RFTN1: variants seen among roughly 807,000 people sequenced by gnomAD.
RFTN1 encodes raftlin, lipid raft linker 1, also known as raftlin.
RFTN1 carries 26 observed loss-of-function variants against 46.5 expected under a neutral mutation model. The observed-to-expected ratio is 0.56, with a 90% CI of 0.41 to 0.78. RFTN1 has a LOEUF of 0.78. Ranked by LOEUF, RFTN1 falls within the 30% of genes least tolerant of loss-of-function variation. RFTN1 has a pLI of 0.00. For missense variants in RFTN1, 693 were observed against 718.7 expected, an observed-to-expected ratio of 0.96 and a Z score of 0.41; for synonymous variants, 261 against 284.2, an observed-to-expected ratio of 0.92 and a Z score of 0.82.
chr3:16,436,357 AATTT>A (rs67496714), intron 2 of RFTN1, among the ~76,000 whole-genome samples: 5,040 of 131,042 alleles, frequency 0.038, 123 homozygotes, highest in Middle Eastern at 0.079. Flanking sequence ...TGAAAAAAAA[AATTT>A]TTTTTTTTTT....
rs1161405902 is a variant in RFTN1 at position 16,356,756 on chromosome 3, C to T, written c.1146+1176G>A. Among the ~76,000 whole-genome samples, 2 of 152,212 alleles carry T rather than the reference C, an allele frequency of 1.3e-5. No homozygotes were observed. The highest frequency in any genetic ancestry group is 2.9e-5 in the Non-Finnish European group (2 of 68,038). On this transcript the variant is annotated intron_variant, in intron 7 of 9. Coordinates refer to ENST00000334133, the MANE Select transcript of RFTN1 (RefSeq NM_015150.2). The surrounding 1 kb of genome is among the most constrained non-coding windows in gnomAD (Gnocchi z 4.9). ...CTGTCTTCCCTCGGCCTGGAGAGCC[C>T]TCTTTGGCAGAGGCCCTCCCAGCAA...
At position 16,320,813 on chromosome 3, in the gene RFTN1, G is replaced by A. The variant is rs1303610398; in HGVS notation, c.1332+2563C>T. Among the ~76,000 whole-genome samples, 2 of 152,316 alleles carry A rather than the reference G, an allele frequency of 1.3e-5. No homozygotes were observed. Among genetic ancestry groups the A allele is most frequent in the South Asian group, 2.1e-4 (1 of 4,826 alleles). ...GGAGGTAAGAGGGACCAGATCCCTT[G>A]GGGCCTTGAGGGCCACAGTACTGAT... On this transcript the variant is annotated intron_variant, in intron 9 of 9. Transcript: ENST00000334133. The surrounding 1 kb of genome is among the most constrained non-coding windows in gnomAD (Gnocchi z 4.5).
rs1308433378 is a variant in RFTN1, at chr3:16,458,596, A to G, written c.146-24559T>C. ...GTAAATCGTAAATTGTCCTTTCAAC[A>G]TGCATAATGACAAGCATTTCGACCC... On this transcript the variant is annotated intron_variant, in intron 2 of 9. Transcript: ENST00000334133. This position sits in a 1 kb window ranked among gnomAD's most constrained non-coding sequence, Gnocchi z 5.1. Among the ~76,000 whole-genome samples, 4 of 152,180 alleles carry G rather than the reference A, an allele frequency of 2.6e-5. No individual in the cohort carries two copies. In the South Asian group the frequency reaches 6.2e-4, roughly 24 times the overall value.
Position 16,385,000 on chromosome 3 carries a change from C to G in RFTN1, c.442-6898G>C, listed in dbSNP as rs2074118040. Reference sequence around the variant, plus strand: ...CATATAATATGGGGTAAATCCAAGACTCACATCCACATACTTATATACCCT... The same window carrying G: ...CATATAATATGGGGTAAATCCAAGAGTCACATCCACATACTTATATACCCT... On this transcript the variant is annotated intron_variant, in intron 4 of 9. Transcript: ENST00000334133. This position sits in a 1 kb window ranked among gnomAD's most constrained non-coding sequence, Gnocchi z 4.7. 6.6e-6 allele frequency among the ~76,000 whole-genome samples: 1 copy of G among 152,128 alleles called. No individual in the cohort carries two copies. The highest frequency in any genetic ancestry group is 6.5e-5 in the Admixed American group (1 of 15,276).
intron 7 of RFTN1, among the ~76,000 whole-genome samples, chr3:16,347,390 T>C (rs1034346680): frequency 6.6e-6 from 1 of 152,232 alleles, no homozygotes; most frequent in African/African-American, 2.4e-5. Context: ...TCAAAATCAG[T>C]ATCACTGGGT....
Position 16,326,762 on chromosome 3 carries a change from G to A in RFTN1, c.1250+11C>T, listed in dbSNP as rs1279295807. ...GTTCAATAGAATCCTAATGATTACT[G>A]TTATTGTTACCTGGTAGTCTTGACG... On this transcript the variant is annotated intron_variant, in intron 8 of 9. Transcript: ENST00000334133. 3 of 1,601,264 alleles carry A rather than the reference G, an allele frequency of 1.9e-6. No individual in the cohort carries two copies. Among genetic ancestry groups the A allele is most frequent in the Non-Finnish European group, 2.6e-6 (3 of 1,168,354 alleles).
chr3:16,431,004 A>G (rs899647114), intron 3 of RFTN1, among the ~76,000 whole-genome samples: 1 of 152,174 alleles, frequency 6.6e-6, no homozygotes, highest in East Asian at 1.9e-4. Flanking sequence ...CTTATTTCTG[A>G]AGACGGGCTT....
rs1360755306 is a variant in RFTN1, at chr3:16,404,176, TTA to T, written c.441+5197_441+5198del. ...ATATATATTATATATAATATACATT[TTA>T]TATATAATATATAATATACATTTTA... On this transcript the variant is annotated intron_variant, in intron 4 of 9. Transcript: ENST00000334133. Among the ~76,000 whole-genome samples the T allele has an allele frequency of 1.4e-4, 7 of 50,386 alleles. 2 individuals are homozygous for T. The highest frequency in any genetic ancestry group is 1.9e-4 in the Non-Finnish European group (6 of 30,842). 33.1% of individuals were successfully genotyped at this position (50,386 alleles called of 152,430 possible).
At chr3:16,357,246 C>T (rs1004186618) in intron 7 of RFTN1, among the ~76,000 whole-genome samples, 2 of 152,152 alleles carry the variant, frequency 1.3e-5, no homozygotes, top group Non-Finnish European at 2.9e-5. Flanking sequence ...CTAAAAAGTC[C>T]ATGCTTCCGC....
intron 4 of RFTN1, among the ~76,000 whole-genome samples, chr3:16,379,478 G>T (rs1228978351): frequency 2.0e-5 from 3 of 152,300 alleles, no homozygotes; most frequent in Non-Finnish European, 4.4e-5. Flanking sequence ...TGGTATCATT[G>T]TCTCCATTTC....
At position 16,327,116 on chromosome 3, in the gene RFTN1, A is replaced by G. The variant is rs1243398444; in HGVS notation, c.1147-240T>C. 1.3e-5 allele frequency among the ~76,000 whole-genome samples: 2 copies of G among 152,236 alleles called. No individual in the cohort carries two copies. Among genetic ancestry groups the G allele is most frequent in the Non-Finnish European group, 2.9e-5 (2 of 68,046 alleles). ...TGATGTCAGCAAGGAATTACAGCCA[A>G]AAGATTAATCCATTAATTTTGTTTG... On this transcript the variant is annotated intron_variant, in intron 7 of 9. Transcript: ENST00000334133. The surrounding 1 kb of genome is among the most constrained non-coding windows in gnomAD (Gnocchi z 4.2).
chr3:16,363,576 T>C (rs2072962848), intron 6 of RFTN1, among the ~76,000 whole-genome samples: 1 of 152,270 alleles, frequency 6.6e-6, no homozygotes, highest in African/African-American at 2.4e-5. Flanking sequence ...CTCTGAGACA[T>C]TAAGACTGTC....
rs544363695 is a variant in RFTN1, at chr3:16,351,096, C to T, written c.1146+6836G>A. ...TTCACAGGATTATGAGACAGGGTTA[C>T]AGGCCAGAGTAGGTTTCAGTTACAG... On this transcript the variant is annotated intron_variant, in intron 7 of 9. Coordinates refer to ENST00000334133, the MANE Select transcript of RFTN1 (RefSeq NM_015150.2). This position sits in a 1 kb window ranked among gnomAD's most constrained non-coding sequence, Gnocchi z 5.4. 6.6e-6 allele frequency among the ~76,000 whole-genome samples: 1 copy of T among 152,308 alleles called. No individual in the cohort carries two copies. Among genetic ancestry groups the T allele is most frequent in the Admixed American group, 6.5e-5 (1 of 15,306 alleles).
At chr3:16,389,796 A>T (rs964762733) in intron 4 of RFTN1, among the ~76,000 whole-genome samples, 1 of 152,186 alleles carries the variant, frequency 6.6e-6, no homozygotes, top group Non-Finnish European at 1.5e-5. Context: ...AAGAGCTGGA[A>T]CCCATGTCCC....
At chr3:16,333,135 T>C (rs556541751) in intron 7 of RFTN1, among the ~76,000 whole-genome samples, 11 of 152,322 alleles carry the variant, frequency 7.2e-5, no homozygotes, top group Admixed American at 7.2e-4. Flanking sequence ...TTCCTGCACT[T>C]AGGAACACTA....
chr3:16,472,445 GA>G (rs1157868780), intron 2 of RFTN1: 1 of 152,210 alleles, frequency 6.6e-6, no homozygotes, highest in Non-Finnish European at 1.5e-5. Context: ...CTCGTTTTGT[GA>G]GAAGAAATTA....
chr3:16,505,320 C>T (rs543608803), intron 1 of RFTN1, among the ~76,000 whole-genome samples: 17 of 152,252 alleles, frequency 1.1e-4, no homozygotes, highest in Non-Finnish European at 1.9e-4. Flanking sequence ...TTTGTACACC[C>T]TCAGAACTCT....
chr3:16,323,473 C>G lies in RFTN1; in HGVS notation c.1251-16G>C, dbSNP rs149141757. The G allele has an allele frequency of 6.2e-7, 1 of 1,602,366 alleles. No homozygotes were observed. The highest frequency in any genetic ancestry group is 8.5e-7 in the Non-Finnish European group (1 of 1,170,642). ...ACTCCCCTCGCTGTAACACACGGAG[C>G]TGAGAATGAGCCACTTTATGCCTTA... On this transcript the variant is annotated splice_polypyrimidine_tract_variant and intron_variant, in intron 8 of 9. Transcript: ENST00000334133.
rs1407558094 is a variant in RFTN1, at chr3:16,352,920, C to T, written c.1146+5012G>A. Reference sequence around the variant, plus strand: ...TCTGGAATCTCCGCTGTCTTGCCAACGTGCTGCACTGTCCGCACACTACAT... The same window carrying T: ...TCTGGAATCTCCGCTGTCTTGCCAATGTGCTGCACTGTCCGCACACTACAT... On this transcript the variant is annotated intron_variant, in intron 7 of 9. Coordinates refer to ENST00000334133, the MANE Select transcript of RFTN1 (RefSeq NM_015150.2). This position sits in a 1 kb window ranked among gnomAD's most constrained non-coding sequence, Gnocchi z 4.6. Among the ~76,000 whole-genome samples the T allele has an allele frequency of 2.0e-5, 3 of 152,136 alleles. No homozygotes were observed. The highest frequency in any genetic ancestry group is 7.2e-5 in the African/African-American group (3 of 41,416).
Sources: gnomAD v4.1 joint callset for allele counts (sites outside exome capture counted in the v4.1 genomes callset) on GRCh38, gnomAD v4.1.1 for gene constraint, Gnocchi (gnomAD v3.1) non-coding constraint, MANE v1.5 for transcripts, NCBI Gene and HGNC (gene_info 2026-07-23, HGNC 2026-07-21) for gene names.